PLEKHA5: variants seen among roughly 807,000 people sequenced by gnomAD.
PLEKHA5 encodes pleckstrin homology domain-containing family A member 5.
A neutral mutation model predicts 181.9 loss-of-function variants in PLEKHA5; 55 were observed. That is an observed-to-expected ratio of 0.30 (90% confidence interval 0.24 to 0.38). The LOEUF is 0.38. Ranked by LOEUF, PLEKHA5 falls within the 10% of genes least tolerant of loss-of-function variation. PLEKHA5 has a pLI of 1.00. For synonymous variants in PLEKHA5, 535 were observed against 529.4 expected, an observed-to-expected ratio of 1.01 and a Z score of -0.15; for missense variants, 1,432 against 1,549.5, an observed-to-expected ratio of 0.92 and a Z score of 1.27.
At chr12:19,218,382 A>T (rs568644293) in intron 3 of PLEKHA5, among the ~76,000 whole-genome samples, 7 of 152,306 alleles carry the variant, frequency 4.6e-5, no homozygotes, top group African/African-American at 1.7e-4. Flanking sequence ...AAAAAGTCAA[A>T]GATGCCAGTG....
intron 20 of PLEKHA5, among the ~76,000 whole-genome samples, chr12:19,334,333 T>C (rs2093146785): frequency 6.6e-6 from 1 of 152,224 alleles, no homozygotes; most frequent in Non-Finnish European, 1.5e-5. Context: ...GAAAGTATAC[T>C]GTGCCTCTTC....
At chr12:19,156,376 T>C (rs139268769) in intron 3 of PLEKHA5, among the ~76,000 whole-genome samples, 4 of 152,180 alleles carry the variant, frequency 2.6e-5, no homozygotes, top group Non-Finnish European at 5.9e-5. Flanking sequence ...AACCCATGTA[T>C]TATTGGTAAA....
chr12:19,219,220 G>A (rs1214544607), intron 3 of PLEKHA5, among the ~76,000 whole-genome samples: 2 of 152,064 alleles, frequency 1.3e-5, no homozygotes, highest in African/African-American at 4.8e-5. Context: ...GGTTTACACG[G>A]GGGTGATGAT....
At chr12:19,148,334 G>C (rs140886172) in intron 3 of PLEKHA5, among the ~76,000 whole-genome samples, 621 of 152,344 alleles carry the variant, frequency 4.1e-3, no homozygotes, top group Non-Finnish European at 7.4e-3. Flanking sequence ...TGGGATTACA[G>C]GTGTAAGCCA....
chr12:19,161,656 T>G (rs543800149), intron 3 of PLEKHA5, among the ~76,000 whole-genome samples: 2 of 152,288 alleles, frequency 1.3e-5, no homozygotes, highest in Non-Finnish European at 2.9e-5. Context: ...TTGCTCAAAG[T>G]AAAAACCAAA....
chr12:19,275,431 T>C (rs2074225367), intron 11 of PLEKHA5, among the ~76,000 whole-genome samples: 1 of 152,174 alleles, frequency 6.6e-6, no homozygotes, highest in Admixed American at 6.5e-5. Context: ...TAATTCCCAG[T>C]CTTATTCTTG....
intron 3 of PLEKHA5, among the ~76,000 whole-genome samples, chr12:19,194,492 C>G (rs74487962): frequency 0.087 from 13,215 of 152,076 alleles, 1,123 homozygotes; most frequent in East Asian, 0.2. Context: ...CCTGGTAGTT[C>G]TATTTCTGGT....
chr12:19,286,951 TG>T (rs2077335860), intron 12 of PLEKHA5, among the ~76,000 whole-genome samples: 1 of 141,432 alleles, frequency 7.1e-6, no homozygotes, highest in Admixed American at 7.4e-5. Flanking sequence ...GGCAACAGAG[TG>T]AGACTCTGCT....
intron 11 of PLEKHA5, 45 bp from the exon 12 acceptor site, chr12:19,283,235 A>G (rs1221600416): frequency 1.3e-5 from 15 of 1,179,470 alleles, no homozygotes; most frequent in Non-Finnish European, 1.8e-5. Context: ...AATTTGGAAA[A>G]TAACCCTCCT....
At chr12:19,259,196 T>G in intron 6 of PLEKHA5, among the ~76,000 whole-genome samples, 1 of 148,888 alleles carries the variant, frequency 6.7e-6, no homozygotes, top group South Asian at 2.2e-4. Flanking sequence ...ATCTCTACTT[T>G]AAAAAAAAAC....
chr12:19,307,906 C>T (rs1463197933), intron 15 of PLEKHA5, among the ~76,000 whole-genome samples: 1 of 151,738 alleles, frequency 6.6e-6, no homozygotes, highest in Non-Finnish European at 1.5e-5. Context: ...TTGTCTCTCT[C>T]ACCATCCCCT....
intron 15 of PLEKHA5, among the ~76,000 whole-genome samples, chr12:19,313,474 G>A (rs1360460694): frequency 6.6e-6 from 1 of 152,158 alleles, no homozygotes; most frequent in Non-Finnish European, 1.5e-5. Flanking sequence ...TGGTGGTAAA[G>A]TAACATGAGG....
chr12:19,186,140 A>G (rs2049814962), intron 3 of PLEKHA5, among the ~76,000 whole-genome samples: 1 of 152,228 alleles, frequency 6.6e-6, no homozygotes, highest in African/African-American at 2.4e-5. Context: ...CCCTGGCTCT[A>G]GCTTAGTTAG....
chr12:19,307,911 T>A (rs2084677713), intron 15 of PLEKHA5, among the ~76,000 whole-genome samples: 1 of 144,758 alleles, frequency 6.9e-6, no homozygotes, highest in African/African-American at 2.6e-5. Context: ...TCTCTCACCA[T>A]CCCCTGGGAA....
intron 11 of PLEKHA5, among the ~76,000 whole-genome samples, chr12:19,282,520 T>C (rs559648150): frequency 1.6e-4 from 25 of 152,202 alleles, no homozygotes; most frequent in Non-Finnish European, 3.1e-4. Flanking sequence ...AAAGAAAACA[T>C]ACAACAGAAT....
At chr12:19,334,868 ATC>A (rs1318230403) in intron 20 of PLEKHA5, among the ~76,000 whole-genome samples, 2,122 of 52,386 alleles carry the variant, frequency 0.041, 398 homozygotes, top group Non-Finnish European at 0.052. Flanking sequence ...ATATATATAT[ATC>A]TCTGTATACG....
chr12:19,340,945 TA>T (rs58915493), intron 21 of PLEKHA5, among the ~76,000 whole-genome samples: 840 of 62,830 alleles, frequency 0.013, 9 homozygotes, highest in African/African-American at 0.029. Context: ...GAATGATCAA[TA>T]AAAAAAAAAA....
At chr12:19,238,439 A>G (rs1026508943) in intron 3 of PLEKHA5, among the ~76,000 whole-genome samples, 23 of 152,132 alleles carry the variant, frequency 1.5e-4, no homozygotes, top group Non-Finnish European at 1.0e-4. Flanking sequence ...GTAGGGTTTC[A>G]AGTTTGCTCT....
intron 3 of PLEKHA5, among the ~76,000 whole-genome samples, chr12:19,182,259 CAG>C (rs1231312446): frequency 1.3e-5 from 2 of 152,122 alleles, no homozygotes; most frequent in African/African-American, 4.8e-5. Flanking sequence ...AGCTGTGAAG[CAG>C]ATTGTTTTTT....
Sources: allele counts gnomAD v4.1 joint callset (sites outside exome capture counted in the v4.1 genomes callset), GRCh38; gene constraint gnomAD v4.1.1; transcripts MANE v1.5; gene names NCBI Gene and HGNC (gene_info 2026-07-23, HGNC 2026-07-21).